FRAT2: variants seen among roughly 807,000 people sequenced by gnomAD.
FRAT2 encodes the protein FRAT regulator of Wnt signaling pathway 2.
For synonymous variants in FRAT2, 205 were observed against 171.5 expected (o/e 1.20, Z -1.53); for missense variants, 326 against 340.8 (o/e 0.96, Z 0.34).
chr10:97,333,593 C>T lies in FRAT2; in HGVS notation c.*278G>A, dbSNP rs1301246303. The T allele has an allele frequency of 2.5e-6, 1 of 401,732 alleles. No individual in the cohort carries two copies. The highest frequency in any genetic ancestry group is 6.3e-4 in the Middle Eastern group (1 of 1,594). The allele number at this position is 401,732 out of a possible 1,614,324, so 24.9% of individuals were successfully genotyped here. On this transcript the variant is annotated 3_prime_UTR_variant, in exon 1 of 1. Coordinates refer to ENST00000371019, the MANE Select transcript of FRAT2 (RefSeq NM_012083.3). The stretch of plus-strand genomic sequence containing the variant: ...GTCGATGCAAGTAGCTGCCATAGTT[C>T]TCCCAGTTTATCCCAGGTCCTTGGG...
At position 97,334,157 on chromosome 10, in the gene FRAT2, G is replaced by A. The variant is rs1843553548; in HGVS notation, c.416C>T (p.Ala139Val). Residue 139 changes from alanine to valine, a missense_variant, in exon 1 of 1, where the codon GCG becomes GTG. By Grantham distance (64) the Ala-to-Val change is moderately conservative. Transcript: ENST00000371019. ...CVAEVAAGPS[A>V]LPGPCRRGWL... Reference sequence around the variant, plus strand: ...TCCTCGCCGGCACGGCCCCGGCAGCGCGCTGGGGCCTGCGGCGACCTCCGC... The same window carrying A: ...TCCTCGCCGGCACGGCCCCGGCAGCACGCTGGGGCCTGCGGCGACCTCCGC... 1 of 1,458,092 alleles carries A rather than the reference G, an allele frequency of 6.9e-7. No homozygotes were observed. The highest frequency in any genetic ancestry group is 9.0e-7 in the Non-Finnish European group (1 of 1,115,958). The allele number at this position is 1,458,092 out of a possible 1,614,324, so 90.3% of individuals were successfully genotyped here.
chr10:97,334,690 G>C lies in FRAT2; in HGVS notation c.-118C>G, dbSNP rs12359467. ...CGGACGCGGAAGCCGGAGCCCGCCA[G>C]GCACTCGAGCCACGCGCCTGCAGCC... On this transcript the variant is annotated 5_prime_UTR_variant, in exon 1 of 1. Coordinates refer to ENST00000371019, the MANE Select transcript of FRAT2 (RefSeq NM_012083.3). 0.06 allele frequency: 72,166 copies of C among 1,204,908 alleles called. 2,399 individuals carry two copies. The highest frequency in any genetic ancestry group is 0.065 in the African/African-American group (4,104 of 63,168). The allele number at this position is 1,204,908 out of a possible 1,614,324, so 74.6% of individuals were successfully genotyped here.
At position 97,332,503 on chromosome 10, in the gene FRAT2, A is replaced by G. The variant is rs1252009481; in HGVS notation, c.*1368T>C. On this transcript the variant is annotated 3_prime_UTR_variant, in exon 1 of 1. Transcript: ENST00000371019. ...CCAAAATGCCAAACCGTGCTCCAAA[A>G]CAAAAGCCAAATTTATTCAGCAGAC... 6.6e-6 allele frequency: 1 copy of G among 151,458 alleles called. No individual in the cohort carries two copies. Among genetic ancestry groups the G allele is most frequent in the Non-Finnish European group, 1.5e-5 (1 of 67,948 alleles). The allele number at this position is 151,458 out of a possible 1,614,324, so 9.4% of individuals were successfully genotyped here.
rs983568893 is a variant in FRAT2, at chr10:97,334,510, C to T, written c.63G>A (p.Glu21=). 4.0e-6 allele frequency: 6 copies of T among 1,494,028 alleles called. No individual in the cohort carries two copies. The African/African-American group carries it at 4.3e-5, about 11-fold the overall frequency. The allele number at this position is 1,494,028 out of a possible 1,614,324, so 92.5% of individuals were successfully genotyped here. ...GCTGCAGCAGGAGGAAGCTGTCGTC[C>T]TCCTCTTCCTCCCCCTCCGCCTCCT... ...AGEEAEGEEE[E]DDSFLLLQQS... The change falls in exon 1 of 1, where the codon GAG becomes GAA. Residue 21 remains glutamate (E), a synonymous_variant. Coordinates refer to ENST00000371019, the MANE Select transcript of FRAT2 (RefSeq NM_012083.3).
At position 97,334,328 on chromosome 10, in the gene FRAT2, G is replaced by C; in HGVS notation, c.245C>G (p.Pro82Arg). 7 of 1,156,854 alleles carry C rather than the reference G, an allele frequency of 6.1e-6. No homozygotes were observed. Among genetic ancestry groups the C allele is most frequent in the South Asian group, 4.2e-5 (1 of 23,702 alleles). The allele number at this position is 1,156,854 out of a possible 1,614,324, so 71.7% of individuals were successfully genotyped here. A position where few individuals can be genotyped will look rare whatever the true frequency, so the allele number is the denominator to read the frequency against. Residue 82 changes from proline (P) to arginine (R), a missense_variant, in exon 1 of 1, where the codon CCG (proline) becomes CGG (arginine). Coordinates refer to ENST00000371019, the MANE Select transcript of FRAT2 (RefSeq NM_012083.3). Reference sequence around the variant, plus strand: ...CGCCGGGGGCCGGGCCTTGTCCGCCGGCACCGCCGCAGCCAGGGGCCCCGG... The same window carrying C: ...CGCCGGGGGCCGGGCCTTGTCCGCCCGCACCGCCGCAGCCAGGGGCCCCGG... ...RAPGPLAAAV[P>R]ADKARPPAVP...
rs1843560626 is a variant in FRAT2 at position 97,334,614 on chromosome 10, G to C, written c.-42C>G. The C allele has an allele frequency of 3.0e-6, 4 of 1,325,300 alleles. No homozygotes were observed. Among genetic ancestry groups the C allele is most frequent in the Admixed American group, 3.7e-5 (1 of 26,792 alleles). The allele number at this position is 1,325,300 out of a possible 1,614,324, so 82.1% of individuals were successfully genotyped here. Reference sequence around the variant, plus strand: ...ACCCGGAGCTGTGCGGGCTTCGCTGGGGGCTTGGTTGCCCGCGGGCGCGGA... The same window carrying C: ...ACCCGGAGCTGTGCGGGCTTCGCTGCGGGCTTGGTTGCCCGCGGGCGCGGA... On this transcript the variant is annotated 5_prime_UTR_variant, in exon 1 of 1. Transcript: ENST00000371019.
Position 97,333,689 on chromosome 10 carries a change from T to C in FRAT2, c.*182A>G. 1 of 594,108 alleles carries C rather than the reference T, an allele frequency of 1.7e-6. No homozygotes were observed. The highest frequency in any genetic ancestry group is 1.9e-5 in the African/African-American group (1 of 51,688). The allele number at this position is 594,108 out of a possible 1,614,324, so 36.8% of individuals were successfully genotyped here. A position where few individuals can be genotyped will look rare whatever the true frequency, so the allele number is the denominator to read the frequency against. On this transcript the variant is annotated 3_prime_UTR_variant, in exon 1 of 1. Transcript: ENST00000371019. ...CGCATACATTTCTCCACGCTTAAGT[T>C]TTCTCCGACGGCCTCGCCGCGGCTG...
Position 97,334,367 on chromosome 10 carries a change from A to C in FRAT2, c.206T>G (p.Val69Gly). The C allele has an allele frequency of 8.2e-7, 1 of 1,221,382 alleles. No individual in the cohort carries two copies. 75.7% of individuals were successfully genotyped at this position (1,221,382 alleles called of 1,614,324 possible). A position where few individuals can be genotyped will look rare whatever the true frequency, so the allele number is the denominator to read the frequency against. ...CAGGGGCCCCGGGGCCCGCAGCGGC[A>C]CCCCCGGGGGCGCGCACGGCGAGGC... is the stretch of plus-strand genomic sequence containing the variant. ...SPASPCAPPG[V>G]PLRAPGPLAA... is the part of the protein sequence containing the mutation. Residue 69 changes from valine to glycine, a missense_variant, in exon 1 of 1, where the codon GTG (valine) becomes GGG (glycine). Coordinates refer to ENST00000371019, the MANE Select transcript of FRAT2 (RefSeq NM_012083.3).
In FRAT2 at chr10:97,334,721, A is replaced by T. The variant is rs1053652073; in HGVS notation, c.-149T>A. On this transcript the variant is annotated 5_prime_UTR_variant, in exon 1 of 1. Transcript: ENST00000371019. ...CGAGCCACGCGCCTGCAGCCGCTGG[A>T]GCCGGAATCCTGCCGGCTCGGGTTG... The T allele has an allele frequency of 2.1e-6, 2 of 937,404 alleles. No individual in the cohort carries two copies. Among genetic ancestry groups the T allele is most frequent in the South Asian group, 6.1e-5 (2 of 32,782 alleles). 58.1% of individuals were successfully genotyped at this position (937,404 alleles called of 1,614,324 possible).
rs1843547000 is a variant in FRAT2, at chr10:97,333,784, G to A, written c.*87C>T. The A allele has an allele frequency of 3.0e-6, 4 of 1,340,444 alleles. No homozygotes were observed. Among genetic ancestry groups the A allele is most frequent in the Non-Finnish European group, 3.9e-6 (4 of 1,038,846 alleles). 83.0% of individuals were successfully genotyped at this position (1,340,444 alleles called of 1,614,324 possible). On this transcript the variant is annotated 3_prime_UTR_variant, in exon 1 of 1. Coordinates refer to ENST00000371019, the MANE Select transcript of FRAT2 (RefSeq NM_012083.3). Reference sequence around the variant, plus strand: ...CCAAAGTGGTCGCTCCCAGGCTGGCGACGTCGGCTTCAGCTCAGAGTTAGT... The same window carrying A: ...CCAAAGTGGTCGCTCCCAGGCTGGCAACGTCGGCTTCAGCTCAGAGTTAGT...
In FRAT2 at chr10:97,334,339, A is replaced by G; in HGVS notation, c.234T>C (p.Ala78=). The part of the protein sequence containing the change: ...GVPLRAPGPL[A]AAVPADKARP... ...GGGCCTTGTCCGCCGGCACCGCCGCAGCCAGGGGCCCCGGGGCCCGCAGCG... is the reference window on the plus strand; with the variant it reads ...GGGCCTTGTCCGCCGGCACCGCCGCGGCCAGGGGCCCCGGGGCCCGCAGCG... The change falls in exon 1 of 1, where the codon GCT becomes GCC. Residue 78 remains alanine (A), a synonymous_variant. Transcript: ENST00000371019. 4 of 1,179,562 alleles carry G rather than the reference A, an allele frequency of 3.4e-6. No homozygotes were observed. Among genetic ancestry groups the G allele is most frequent in the African/African-American group, 1.6e-5 (1 of 62,158 alleles). The allele number at this position is 1,179,562 out of a possible 1,614,324, so 73.1% of individuals were successfully genotyped here.
chr10:97,333,935 C>A lies in FRAT2; in HGVS notation c.638G>T (p.Gly213Val), dbSNP rs757669451. ...AGGTCCGCTGCGGCCTCCCCCGGGCCCAGGGGCGCTTGCGGGGCCCGTGGC... is the reference window on the plus strand; with the variant it reads ...AGGTCCGCTGCGGCCTCCCCCGGGCACAGGGGCGCTTGCGGGGCCCGTGGC... The part of the protein sequence containing the change: ...VAATGPASAP[G>V]PGGGRSGPDR... The change falls in exon 1 of 1, where the codon GGG (glycine) becomes GTG (valine). Residue 213 changes from glycine (G) to valine (V), a missense_variant. Gly to Val is a moderately radical substitution (Grantham distance 109). Coordinates refer to ENST00000371019, the MANE Select transcript of FRAT2 (RefSeq NM_012083.3). 1 of 1,575,320 alleles carries A rather than the reference C, an allele frequency of 6.3e-7. No individual in the cohort carries two copies. Among genetic ancestry groups the A allele is most frequent in the Admixed American group, 1.8e-5 (1 of 54,760 alleles).
rs569187998 is a variant in FRAT2, at chr10:97,334,580, C to A, written c.-8G>T. 1.6e-4 allele frequency: 225 copies of A among 1,433,138 alleles called. 1 individual carries two copies. The African/African-American group carries it at 2.7e-3, about 17-fold the overall frequency. 88.8% of individuals were successfully genotyped at this position (1,433,138 alleles called of 1,614,324 possible). A position where few individuals can be genotyped will look rare whatever the true frequency, so the allele number is the denominator to read the frequency against. ...CTCCCTCCGGCACGGCATGGCCCCC[C>A]GTCCTGGCACCCGGAGCTGTGCGGG... On this transcript the variant is annotated 5_prime_UTR_variant, in exon 1 of 1. Coordinates refer to ENST00000371019, the MANE Select transcript of FRAT2 (RefSeq NM_012083.3).
rs1490278617 is a variant in FRAT2 at position 97,333,982 on chromosome 10, T to G, written c.591A>C (p.Gln197His). The change falls in exon 1 of 1, where the codon CAA becomes CAC. Residue 197 changes from glutamine (Q) to histidine (H), a missense_variant. Transcript: ENST00000371019. ...TGGCTGCAACCGCGGCGACGGCTCGTTGGAGTCTCCGCACGGCTTCCTTGA... is the reference window on the plus strand; with the variant it reads ...TGGCTGCAACCGCGGCGACGGCTCGGTGGAGTCTCCGCACGGCTTCCTTGA... ...NLIKEAVRRL[Q>H]RAVAAVAATG... 1 of 1,586,994 alleles carries G rather than the reference T, an allele frequency of 6.3e-7. No individual in the cohort carries two copies. The highest frequency in any genetic ancestry group is 1.7e-5 in the Admixed American group (1 of 57,856).
In FRAT2 at chr10:97,334,133, C is replaced by G; in HGVS notation, c.440G>C (p.Gly147Ala). ...PSALPGPCRR[G>A]WLRDAVTSRR... Reference sequence around the variant, plus strand: ...GGAGGTGACCGCGTCCCTGAGCCATCCTCGCCGGCACGGCCCCGGCAGCGC... The same window carrying G: ...GGAGGTGACCGCGTCCCTGAGCCATGCTCGCCGGCACGGCCCCGGCAGCGC... Residue 147 changes from glycine (G) to alanine (A), a missense_variant, in exon 1 of 1, where the codon GGA becomes GCA. Coordinates refer to ENST00000371019, the MANE Select transcript of FRAT2 (RefSeq NM_012083.3). 1 of 1,533,050 alleles carries G rather than the reference C, an allele frequency of 6.5e-7. No homozygotes were observed. The highest frequency in any genetic ancestry group is 1.2e-5 in the South Asian group (1 of 83,830). The allele number at this position is 1,533,050 out of a possible 1,614,324, so 95.0% of individuals were successfully genotyped here. A position where few individuals can be genotyped will look rare whatever the true frequency, so the allele number is the denominator to read the frequency against.
Position 97,333,946 on chromosome 10 carries a change from T to G in FRAT2, c.627A>C (p.Ala209=), listed in dbSNP as rs1589397556. Residue 209 remains alanine (A), a synonymous_variant, in exon 1 of 1, where the codon GCA becomes GCC. Transcript: ENST00000371019. ...GGCCTCCCCCGGGCCCAGGGGCGCT[T>G]GCGGGGCCCGTGGCTGCAACCGCGG... is the stretch of plus-strand genomic sequence containing the variant. The part of the protein sequence containing the change: ...AVAAVAATGP[A]SAPGPGGGRS... The G allele has an allele frequency of 1.3e-6, 2 of 1,575,958 alleles. No individual in the cohort carries two copies. The highest frequency in any genetic ancestry group is 1.7e-6 in the Non-Finnish European group (2 of 1,168,272).
Position 97,333,861 on chromosome 10 carries a change from G to A in FRAT2, c.*10C>T. The stretch of plus-strand genomic sequence containing the variant: ...CAGCGGCCTCCACTTCCTCCTCCAG[G>A]AGGCCTGCGTCAGAGCAAGGAGCCT... On this transcript the variant is annotated 3_prime_UTR_variant, in exon 1 of 1. Transcript: ENST00000371019. 1.3e-6 allele frequency: 2 copies of A among 1,493,118 alleles called. No individual in the cohort carries two copies. Among genetic ancestry groups the A allele is most frequent in the Non-Finnish European group, 1.8e-6 (2 of 1,124,400 alleles). 92.5% of individuals were successfully genotyped at this position (1,493,118 alleles called of 1,614,324 possible).
rs146477849 is a variant in FRAT2, at chr10:97,333,430, T to C, written c.*441A>G. The C allele has an allele frequency of 8.2e-4, 131 of 159,728 alleles. 1 individual carries two copies. The highest frequency in any genetic ancestry group is 3.0e-3 in the African/African-American group (125 of 41,876). The allele number at this position is 159,728 out of a possible 1,614,324, so 9.9% of individuals were successfully genotyped here. A position where few individuals can be genotyped will look rare whatever the true frequency, so the allele number is the denominator to read the frequency against. Reference sequence around the variant, plus strand: ...GCAATTGTAGCACCACTTACTAAGCTCCTCCACCAGAAAATAAGAAAATGT... The same window carrying C: ...GCAATTGTAGCACCACTTACTAAGCCCCTCCACCAGAAAATAAGAAAATGT... On this transcript the variant is annotated 3_prime_UTR_variant, in exon 1 of 1. Coordinates refer to ENST00000371019, the MANE Select transcript of FRAT2 (RefSeq NM_012083.3).
chr10:97,334,351 C>T lies in FRAT2; in HGVS notation c.222G>A (p.Pro74=), dbSNP rs1269554996. 11 of 1,201,228 alleles carry T rather than the reference C, an allele frequency of 9.2e-6. No homozygotes were observed. The highest frequency in any genetic ancestry group is 1.1e-5 in the Non-Finnish European group (11 of 968,192). The allele number at this position is 1,201,228 out of a possible 1,614,324, so 74.4% of individuals were successfully genotyped here. The stretch of plus-strand genomic sequence containing the variant: ...CCGGCACCGCCGCAGCCAGGGGCCC[C>T]GGGGCCCGCAGCGGCACCCCCGGGG... ...CAPPGVPLRA[P]GPLAAAVPAD... is the part of the protein sequence containing the mutation. Residue 74 remains proline, a synonymous_variant, in exon 1 of 1, where the codon CCG becomes CCA. Coordinates refer to ENST00000371019, the MANE Select transcript of FRAT2 (RefSeq NM_012083.3).
Sources: gnomAD v4.1 joint callset for allele counts on GRCh38, gnomAD v4.1.1 for gene constraint, MANE v1.5 for transcripts, NCBI Gene and HGNC (gene_info 2026-07-23, HGNC 2026-07-21) for gene names.